The following APBA2 variants were observed in gnomAD, a reference collection of about 807,000 sequenced individuals.
APBA2 encodes amyloid beta precursor protein binding family A member 2, also known as amyloid-beta A4 precursor protein-binding family A member 2.
A neutral mutation model predicts 75.0 loss-of-function variants in APBA2; 30 were observed. That is an observed-to-expected ratio of 0.40 (90% CI 0.30 to 0.54). APBA2 has a LOEUF of 0.54. Ranked by LOEUF, APBA2 falls within the 20% of genes least tolerant of loss-of-function variation. The pLI is 0.49. For missense variants in APBA2, 801 were observed against 1,016.1 expected (o/e 0.79, Z 2.88); for synonymous variants, 444 against 409.6 (o/e 1.08, Z -1.01).
In APBA2 at chr15:28,957,849, A is replaced by G. The variant is rs752737243; in HGVS notation, c.-95+36100A>G. 6.6e-5 allele frequency among the ~76,000 whole-genome samples: 10 copies of G among 152,236 alleles called. No homozygotes were observed. In the East Asian group the frequency reaches 7.7e-4, roughly 12 times the overall value. ...CTTTGGTGGCTTCTGTGGGAGCACA[A>G]TATGTCCAGGGTGCCATCCCCAAGG... On this transcript the variant is annotated intron_variant, in intron 2 of 14. Transcript: ENST00000683413.
chr15:29,002,328 G>A (rs2038891302), intron 3 of APBA2, among the ~76,000 whole-genome samples: 1 of 152,196 alleles, frequency 6.6e-6, no homozygotes, highest in South Asian at 2.1e-4. Flanking sequence ...TATCGCAGCA[G>A]AGCATACTGC....
intron 10 of APBA2, among the ~76,000 whole-genome samples, chr15:29,104,254 T>C (rs560556609): frequency 1.1e-4 from 16 of 152,294 alleles, no homozygotes; most frequent in Admixed American, 8.5e-4. Context: ...TTGAGGGCAG[T>C]TGGGGAGGCA....
At chr15:28,984,801 G>A (rs1022269086) in intron 2 of APBA2, among the ~76,000 whole-genome samples, 6 of 139,408 alleles carry the variant, frequency 4.3e-5, no homozygotes, top group Middle Eastern at 8.9e-3. Context: ...GGAGCTGCTC[G>A]CTCTCTCTCC....
chr15:29,049,955 G>T, intron 3 of APBA2, among the ~76,000 whole-genome samples: 1 of 152,138 alleles, frequency 6.6e-6, no homozygotes, highest in East Asian at 1.9e-4. Context: ...AAAAGAAATA[G>T]CAAGAATCTT....
At position 29,079,924 on chromosome 15, in the gene APBA2, C is replaced by T. The variant is rs116131075; in HGVS notation, c.1069+3833C>T. Among the ~76,000 whole-genome samples the T allele has an allele frequency of 1.2e-3, 185 of 152,318 alleles. 1 individual carries two copies. Among genetic ancestry groups the T allele is most frequent in the African/African-American group, 4.3e-3 (179 of 41,568 alleles). ...TGCAGCATCTCTCTATTTCATGTCGCCTGGTCAACCACCACGTGAGGAGTA... is the reference window on the plus strand; with the variant it reads ...TGCAGCATCTCTCTATTTCATGTCGTCTGGTCAACCACCACGTGAGGAGTA... On this transcript the variant is annotated intron_variant, in intron 6 of 14. Transcript: ENST00000683413.
chr15:28,939,038 C>A (rs2035036438), intron 2 of APBA2, among the ~76,000 whole-genome samples: 1 of 152,134 alleles, frequency 6.6e-6, no homozygotes, highest in South Asian at 2.1e-4. Flanking sequence ...CAGCCCCTCC[C>A]AGCCACCACT....
intron 2 of APBA2, among the ~76,000 whole-genome samples, chr15:28,945,257 G>A (rs2035479653): frequency 6.6e-6 from 1 of 151,920 alleles, no homozygotes; most frequent in Non-Finnish European, 1.5e-5. Flanking sequence ...AAAGTCAGAA[G>A]CAATGTAAGT....
At chr15:28,913,720 G>A (rs1019340907) in intron 1 of APBA2, among the ~76,000 whole-genome samples, 4 of 152,216 alleles carry the variant, frequency 2.6e-5, no homozygotes, top group Non-Finnish European at 5.9e-5. Context: ...GGGTCTCACC[G>A]TCTTTAGAAC....
At chr15:29,022,995 G>C (rs1232768980) in intron 3 of APBA2, among the ~76,000 whole-genome samples, 1 of 152,014 alleles carries the variant, frequency 6.6e-6, no homozygotes, top group Non-Finnish European at 1.5e-5. Flanking sequence ...CTATTTGGTT[G>C]TTGCTGGTGC....
chr15:29,094,290 G>C lies in APBA2; in HGVS notation c.1228G>C (p.Ala410Pro). The C allele has an allele frequency of 1.2e-6, 2 of 1,614,230 alleles. No homozygotes were observed. Among genetic ancestry groups the C allele is most frequent in the East Asian group, 4.5e-5 (2 of 44,884 alleles). The stretch of plus-strand genomic sequence containing the variant: ...TCCATGCTGTCAGAGGATGCAAAAG[G>C]CTGCTAAGATCAAGAAAAAAGCGGT... ...AVSRVKRMQK[A>P]AKIKKKANSE... The change falls in exon 8 of 15, where the codon GCT becomes CCT. Residue 410 changes from alanine (A) to proline (P), a missense_variant. Ala to Pro is a conservative substitution (Grantham distance 27, BLOSUM62 -1). Coordinates refer to ENST00000683413, the MANE Select transcript of APBA2 (RefSeq NM_001353788.2).
chr15:29,101,638 A>G lies in APBA2; in HGVS notation c.1378A>G (p.Ile460Val). ...CCACGCCTTGCGTACCATCTCCTAC[A>G]TCGCCGACATTGGGAACATTGTAGT... ...MDHALRTISY[I>V]ADIGNIVVLM... Residue 460 changes from isoleucine to valine, a missense_variant, in exon 10 of 15, where the codon ATC becomes GTC. Ile to Val is a conservative substitution (Grantham distance 29, BLOSUM62 3). Around this residue, in one of 2 missense-constraint regions of APBA2, gnomAD observed 367 missense variants for 544.5 expected, o/e 0.67. Coordinates refer to ENST00000683413, the MANE Select transcript of APBA2 (RefSeq NM_001353788.2). 1 of 1,613,722 alleles carries G rather than the reference A, an allele frequency of 6.2e-7. No homozygotes were observed. Among genetic ancestry groups the G allele is most frequent in the South Asian group, 1.1e-5 (1 of 91,056 alleles).
At chr15:28,895,301 G>A (rs1283831269) in intron 1 of APBA2, among the ~76,000 whole-genome samples, 2 of 152,136 alleles carry the variant, frequency 1.3e-5, no homozygotes, top group Non-Finnish European at 1.5e-5. Flanking sequence ...GGCTGGGCAC[G>A]CAGGCTGTCC....
chr15:28,962,996 C>T (rs1372550945), intron 2 of APBA2, among the ~76,000 whole-genome samples: 1 of 152,094 alleles, frequency 6.6e-6, no homozygotes, highest in Non-Finnish European at 1.5e-5. Flanking sequence ...GCCTGGAGAC[C>T]TTGGTGGCAA....
chr15:29,017,553 A>G (rs1457308529), intron 3 of APBA2, among the ~76,000 whole-genome samples: 1 of 151,950 alleles, frequency 6.6e-6, no homozygotes, highest in Non-Finnish European at 1.5e-5. Flanking sequence ...TGTTTTTAGT[A>G]GAGACAGCAA....
At chr15:29,083,387 GC>G (rs1456900947) in intron 6 of APBA2, among the ~76,000 whole-genome samples, 2 of 152,082 alleles carry the variant, frequency 1.3e-5, no homozygotes, top group African/African-American at 4.8e-5. Flanking sequence ...GATTTATGGT[GC>G]ATTTTATTAC....
chr15:29,034,807 G>C (rs2040663338), intron 3 of APBA2, among the ~76,000 whole-genome samples: 1 of 152,182 alleles, frequency 6.6e-6, no homozygotes, highest in Non-Finnish European at 1.5e-5. Flanking sequence ...ATTGGTCTGG[G>C]GGAGGGCCCA....
intron 4 of APBA2, among the ~76,000 whole-genome samples, chr15:29,067,236 A>T (rs2042416973): frequency 6.6e-6 from 1 of 152,196 alleles, no homozygotes. Flanking sequence ...TTTCAGTATG[A>T]GATTTGGGCA....
chr15:29,043,071 G>A (rs549978696), intron 3 of APBA2, among the ~76,000 whole-genome samples: 48 of 152,226 alleles, frequency 3.2e-4, no homozygotes, highest in South Asian at 1.0e-3. Context: ...ACTGTTAGAC[G>A]TAACCCAGGA....
intron 3 of APBA2, among the ~76,000 whole-genome samples, chr15:29,025,594 G>A (rs1244241588): frequency 6.6e-6 from 1 of 152,082 alleles, no homozygotes; most frequent in East Asian, 1.9e-4. Context: ...TTTATTAGGG[G>A]CCTGCATACA....
Sources: allele counts gnomAD v4.1 joint callset (sites outside exome capture counted in the v4.1 genomes callset), GRCh38; gene constraint gnomAD v4.1.1; regional missense constraint gnomAD v4.1.1; transcripts MANE v1.5; gene names NCBI Gene and HGNC (gene_info 2026-07-23, HGNC 2026-07-21).